Variants in RBFOX3 observed in about 807,000 individuals in gnomAD.
RBFOX3 encodes RNA binding protein fox-1 homolog 3.
A neutral mutation model predicts 48.7 loss-of-function variants in RBFOX3; 17 were observed. That is an observed-to-expected ratio of 0.35 (90% CI 0.24 to 0.52). The LOEUF (loss-of-function observed/expected upper bound fraction) is 0.52, where lower values mean the gene tolerates loss of function less well. Among genes scored for constraint, RBFOX3 ranks in the 20% least tolerant of loss-of-function variants. The probability of loss-of-function intolerance (pLI) is 0.94; values close to 1 mark genes in which losing one functional copy is unlikely to be tolerated. For synonymous variants in RBFOX3, 212 were observed against 209.5 expected, an observed-to-expected ratio of 1.01 and a Z score of -0.10; for missense variants, 382 against 497.5, an observed-to-expected ratio of 0.77 and a Z score of 2.21.
At chr17:79,493,182 C>G (rs2080952411) in intron 1 of RBFOX3, among the ~76,000 whole-genome samples, 1 of 152,012 alleles carries the variant, frequency 6.6e-6, no homozygotes, top group Admixed American at 6.6e-5. Flanking sequence ...GCACCACACT[C>G]TTTTAAACAA....
At chr17:79,225,827 C>A (rs2060248728) in intron 4 of RBFOX3, among the ~76,000 whole-genome samples, 1 of 152,226 alleles carries the variant, frequency 6.6e-6, no homozygotes, top group African/African-American at 2.4e-5. Context: ...TTGAACCAAA[C>A]AGGTTAACCT....
chr17:79,324,408 T>C (rs1409934849), intron 2 of RBFOX3, among the ~76,000 whole-genome samples: 2 of 152,160 alleles, frequency 1.3e-5, no homozygotes, highest in African/African-American at 4.8e-5. Context: ...CCCCAGGGGC[T>C]CAGGAAGCCT....
chr17:79,568,857 C>T (rs1002707118), intron 1 of RBFOX3, among the ~76,000 whole-genome samples: 1 of 152,092 alleles, frequency 6.6e-6, no homozygotes, highest in Admixed American at 6.5e-5. Context: ...GGACCTGCTC[C>T]GTGGAAAGCA....
intron 2 of RBFOX3, among the ~76,000 whole-genome samples, chr17:79,346,067 C>T (rs1036247424): frequency 6.6e-6 from 1 of 152,206 alleles, no homozygotes; most frequent in African/African-American, 2.4e-5. Context: ...ATTACAAGCA[C>T]ACACCACCAT....
At chr17:79,461,706 T>C (rs1413264091) in intron 2 of RBFOX3, among the ~76,000 whole-genome samples, 2 of 152,196 alleles carry the variant, frequency 1.3e-5, no homozygotes, top group Non-Finnish European at 2.9e-5. Context: ...AGATGTCATT[T>C]GTCAAAGCTC....
chr17:79,240,301 C>T (rs1050728790), intron 3 of RBFOX3, among the ~76,000 whole-genome samples: 2 of 152,188 alleles, frequency 1.3e-5, no homozygotes, highest in Non-Finnish European at 2.9e-5. Context: ...AGAAAAAAAC[C>T]GCTCATGTCA....
intron 2 of RBFOX3, among the ~76,000 whole-genome samples, chr17:79,368,564 G>A (rs950285704): frequency 6.6e-6 from 1 of 152,246 alleles, no homozygotes; most frequent in Non-Finnish European, 1.5e-5. Context: ...CAATTGAGAA[G>A]CCCGTGGGTG....
At chr17:79,313,415 C>T (rs2077115709) in intron 2 of RBFOX3, among the ~76,000 whole-genome samples, 1 of 152,202 alleles carries the variant, frequency 6.6e-6, no homozygotes, top group Admixed American at 6.5e-5. Flanking sequence ...TTCATGTACT[C>T]ATTCATTTAG....
intron 4 of RBFOX3, among the ~76,000 whole-genome samples, chr17:79,152,737 G>A (rs1275536153): frequency 6.6e-6 from 1 of 152,240 alleles, no homozygotes; most frequent in Non-Finnish European, 1.5e-5. Flanking sequence ...CACCGAAGCA[G>A]TATCCACATA....
Position 79,103,997 on chromosome 17 carries a change from A to G in RBFOX3, c.414+76T>C. 1 of 1,320,150 alleles carries G rather than the reference A, an allele frequency of 7.6e-7. No individual in the cohort carries two copies. Among genetic ancestry groups the G allele is most frequent in the South Asian group, 1.3e-5 (1 of 79,408 alleles). 81.8% of individuals were successfully genotyped at this position (1,320,150 alleles called of 1,614,324 possible). A position where few individuals can be genotyped will look rare whatever the true frequency, so the allele number is the denominator to read the frequency against. On this transcript the variant is annotated intron_variant, in intron 7 of 14. Coordinates refer to ENST00000693108, the MANE Select transcript of RBFOX3 (RefSeq NM_001350451.2). This position sits in a 1 kb window ranked among gnomAD's most constrained non-coding sequence, Gnocchi z 6.1. Reference sequence around the variant, plus strand: ...TCGGGCGCGAAGCTCTCCAGGAAGGAAACGCACATTTCACACGTTAGCCTG... The same window carrying G: ...TCGGGCGCGAAGCTCTCCAGGAAGGGAACGCACATTTCACACGTTAGCCTG...
At chr17:79,327,008 C>G (rs1054415799) in intron 2 of RBFOX3, among the ~76,000 whole-genome samples, 6 of 152,238 alleles carry the variant, frequency 3.9e-5, no homozygotes, top group Non-Finnish European at 5.9e-5. Context: ...GATCTGGAAC[C>G]AAGCCCATGC....
intron 9 of RBFOX3, chr17:79,099,744 A>G (rs568556658): frequency 7.6e-4 from 115 of 152,096 alleles, no homozygotes; most frequent in African/African-American, 2.7e-3. Context: ...TGCTGCCTCC[A>G]TTTCACTGTC....
the RBFOX3 span, among the ~76,000 whole-genome samples, chr17:79,624,427 C>A: frequency 6.6e-6 from 1 of 152,092 alleles, no homozygotes; most frequent in Non-Finnish European, 1.5e-5. Context: ...CCAGAAAGTC[C>A]TCCATCACAG....
At position 79,118,988 on chromosome 17, in the gene RBFOX3, A is replaced by T. The variant is rs574131454; in HGVS notation, c.-33-3240T>A. ...AAACCCCTGTCTCAAAAAAAAAAAA[A>T]AAAAATAAAGAAAATAAAATAAAAA... On this transcript the variant is annotated intron_variant, in intron 4 of 14. Transcript: ENST00000693108. Among the ~76,000 whole-genome samples, 1,127 of 147,472 alleles carry T rather than the reference A, an allele frequency of 7.6e-3. 20 individuals are homozygous for T. Among genetic ancestry groups the T allele is most frequent in the Admixed American group, 0.011 (165 of 14,864 alleles).
chr17:79,556,090 C>A (rs886431360), intron 1 of RBFOX3, among the ~76,000 whole-genome samples: 1 of 152,144 alleles, frequency 6.6e-6, no homozygotes, highest in South Asian at 2.1e-4. Flanking sequence ...ATCATCCAGA[C>A]GCAATTCCTC....
intron 4 of RBFOX3, among the ~76,000 whole-genome samples, chr17:79,211,699 T>C (rs2058406288): frequency 6.6e-6 from 1 of 152,152 alleles, no homozygotes. Context: ...GGCAGGGCTG[T>C]ACCCCGGTCC....
chr17:79,511,548 G>C (rs2084201120), intron 1 of RBFOX3, among the ~76,000 whole-genome samples: 1 of 152,160 alleles, frequency 6.6e-6, no homozygotes, highest in African/African-American at 2.4e-5. Context: ...GCAGCAGGAA[G>C]GGCTTAATAG....
Position 79,416,063 on chromosome 17 carries a change from A to C in RBFOX3, c.-175+66391T>G, listed in dbSNP as rs2065301949. Among the ~76,000 whole-genome samples the C allele has an allele frequency of 2.6e-5, 4 of 152,004 alleles. No individual in the cohort carries two copies. The South Asian group carries it at 6.2e-4, about 24-fold the overall frequency. On this transcript the variant is annotated intron_variant, in intron 2 of 14. Coordinates refer to ENST00000693108, the MANE Select transcript of RBFOX3 (RefSeq NM_001350451.2). Reference sequence around the variant, plus strand: ...GCCGCCGCCTCTTCCTCTCGCCTGCACTCCAGGGTCCATGTGGTGCAACGG... The same window carrying C: ...GCCGCCGCCTCTTCCTCTCGCCTGCCCTCCAGGGTCCATGTGGTGCAACGG...
At chr17:79,664,925 C>A in the RBFOX3 span, among the ~76,000 whole-genome samples, 1 of 152,224 alleles carries the variant, frequency 6.6e-6, no homozygotes, top group Non-Finnish European at 1.5e-5. Context: ...CACGTTAGAG[C>A]ACGTGTCAGA....
Sources: gnomAD v4.1 joint callset for allele counts (sites outside exome capture counted in the v4.1 genomes callset) on GRCh38, gnomAD v4.1.1 for gene constraint, Gnocchi (gnomAD v3.1) non-coding constraint, MANE v1.5 for transcripts, NCBI Gene and HGNC (gene_info 2026-07-23, HGNC 2026-07-21) for gene names.